TTC6: variants seen among roughly 807,000 people sequenced by gnomAD.
TTC6 encodes tetratricopeptide repeat protein 6.
In TTC6, 172 loss-of-function variants were observed where a neutral mutation model predicts 210.4. The ratio of observed to expected loss-of-function variants is 0.82; its 90% CI spans 0.72 to 0.93. The LOEUF (loss-of-function observed/expected upper bound fraction) is 0.93, where lower values mean the gene tolerates loss of function less well. Ranked by LOEUF, TTC6 falls within the 40% of genes least tolerant of loss-of-function variation. The pLI, the probability that TTC6 is intolerant of heterozygous loss-of-function variation, is 0.00. For synonymous variants in TTC6, 804 were observed against 819.6 expected, an observed-to-expected ratio of 0.98 and a Z score of 0.32; for missense variants, 2,414 against 2,318.1, an observed-to-expected ratio of 1.04 and a Z score of -0.85.
intron 9 of TTC6, among the ~76,000 whole-genome samples, chr14:37,738,371 C>T (rs1330561407): frequency 6.6e-6 from 1 of 151,584 alleles, no homozygotes; most frequent in African/African-American, 2.4e-5. Context: ...AAAGAAAACC[C>T]AAATTGATTT....
At chr14:37,722,820 T>G (rs958541880) in intron 6 of TTC6, among the ~76,000 whole-genome samples, 7 of 152,268 alleles carry the variant, frequency 4.6e-5, no homozygotes, top group African/African-American at 1.7e-4. Flanking sequence ...AGTCTGTCTT[T>G]TTTTCCCCTT....
chr14:37,701,289 C>T, intron 4 of TTC6, 43 bp from the exon 7 acceptor site: 1 of 1,308,670 alleles, frequency 7.6e-7, no homozygotes, highest in Non-Finnish European at 9.8e-7. Context: ...ATCTAAAGTC[C>T]ACAAAATGAT....
intron 24 of TTC6, among the ~76,000 whole-genome samples, chr14:37,812,034 C>A (rs7144074): frequency 0.026 from 3,917 of 152,234 alleles, 161 homozygotes; most frequent in African/African-American, 0.089. Context: ...AAGTCCCTCC[C>A]TTCCAGCCCG....
rs145340172 is a variant in TTC6 at position 37,615,872 on chromosome 14, A to G, written c.-154-6178A>G. On this transcript the variant is annotated intron_variant, in intron 2 of 2. Transcript: ENST00000556845. ...ATCTCAACACCTGAGTCATTTCTGGACTGGAATCTGTTTATTATGTTTACC... is the reference window on the plus strand; with the variant it reads ...ATCTCAACACCTGAGTCATTTCTGGGCTGGAATCTGTTTATTATGTTTACC... Among the ~76,000 whole-genome samples the G allele has an allele frequency of 6.6e-5, 10 of 152,280 alleles. No individual in the cohort carries two copies. The East Asian group carries it at 1.9e-3, about 29-fold the overall frequency.
At chr14:37,751,781 G>C (rs1230527759) in intron 13 of TTC6, among the ~76,000 whole-genome samples, 2 of 149,456 alleles carry the variant, frequency 1.3e-5, no homozygotes, top group Non-Finnish European at 3.0e-5. Flanking sequence ...TGGTGGGAGA[G>C]TAACTTATGT....
At chr14:37,732,657 C>G (rs566451820) in intron 7 of TTC6, among the ~76,000 whole-genome samples, 2 of 151,612 alleles carry the variant, frequency 1.3e-5, no homozygotes, top group African/African-American at 2.4e-5. Flanking sequence ...CTTGCTCTGT[C>G]GCCCAGGCTA....
At chr14:37,601,342 T>G (rs775825248) in intron 1 of TTC6, among the ~76,000 whole-genome samples, 4 of 152,212 alleles carry the variant, frequency 2.6e-5, no homozygotes, top group Non-Finnish European at 4.4e-5. Flanking sequence ...GGGCAGGCAC[T>G]GCTGTGTCTC....
In TTC6 at chr14:37,737,651, ATTT is replaced by A; in HGVS notation, c.1909-8_1909-6del. 5.4e-6 allele frequency: 8 copies of A among 1,488,056 alleles called. No homozygotes were observed. Among genetic ancestry groups the A allele is most frequent in the Non-Finnish European group, 6.3e-6 (7 of 1,110,662 alleles). 92.2% of individuals were successfully genotyped at this position (1,488,056 alleles called of 1,614,324 possible). ...ACTAATGTATATTTTTCATTTGATT[ATTT>A]CACAGTGTTTCTTACCAAGAAAATC... On this transcript the variant is annotated splice_polypyrimidine_tract_variant and splice_region_variant and intron_variant, in intron 8 of 30. Coordinates refer to ENST00000553443, the Ensembl canonical transcript of TTC6.
chr14:37,767,066 C>T (rs1018236927), intron 14 of TTC6, among the ~76,000 whole-genome samples: 2 of 152,044 alleles, frequency 1.3e-5, no homozygotes, highest in Non-Finnish European at 2.9e-5. Context: ...TTTTTGTTCT[C>T]ATGATAGTTT....
At chr14:37,618,377 C>A (rs982680722), upstream of TTC6, among the ~76,000 whole-genome samples, 1 of 152,234 alleles carries the variant, frequency 6.6e-6, no homozygotes, top group African/African-American at 2.4e-5. Flanking sequence ...AAGGCATAGA[C>A]AGATTTTAAG....
intron 28 of TTC6, among the ~76,000 whole-genome samples, chr14:37,826,715 T>C (rs1242062747): frequency 1.3e-5 from 2 of 152,092 alleles, no homozygotes; most frequent in Non-Finnish European, 1.5e-5. Context: ...TGTAGTGAAA[T>C]GACAAGTAAA....
At chr14:37,753,017 A>ATT (rs1162706049) in intron 13 of TTC6, 82 bp from the exon 16 acceptor site, 1 of 1,090,970 alleles carries the variant, frequency 9.2e-7, no homozygotes, top group Non-Finnish European at 1.2e-6. Context: ...AGTTAAAAAC[A>ATT]TAGTTTTAGA....
intron 29 of TTC6, among the ~76,000 whole-genome samples, chr14:37,838,798 A>G (rs77726896): frequency 0.036 from 5,407 of 151,994 alleles, 326 homozygotes; most frequent in African/African-American, 0.12. Flanking sequence ...CATCATTTAC[A>G]TATCCCTCCC....
chr14:37,690,071 TTAAAGTG>T (rs1395815867), intron 3 of TTC6, among the ~76,000 whole-genome samples: 1 of 151,960 alleles, frequency 6.6e-6, no homozygotes, highest in Non-Finnish European at 1.5e-5. Flanking sequence ...AAGAATAAAG[TTAAAGTG>T]TAGAGAATTT....
chr14:37,820,956 T>TCTTCTCCTCCTCCTTCTC (rs2096154810), intron 26 of TTC6, among the ~76,000 whole-genome samples: 3 of 145,032 alleles, frequency 2.1e-5, no homozygotes, highest in African/African-American at 7.6e-5. Context: ...TCCTCCTCCT[T>TCTTCTCCTCCTCCTTCTC]CTCCTCCTCC....
At chr14:37,649,426 C>T (rs1305633871) in intron 1 of TTC6, among the ~76,000 whole-genome samples, 3 of 152,150 alleles carry the variant, frequency 2.0e-5, no homozygotes, top group Non-Finnish European at 4.4e-5. Flanking sequence ...GACCCCACAA[C>T]ATTTATGTTT....
intron 3 of TTC6, among the ~76,000 whole-genome samples, chr14:37,686,680 C>T (rs1357925946): frequency 6.6e-6 from 1 of 152,044 alleles, no homozygotes; most frequent in Non-Finnish European, 1.5e-5. Flanking sequence ...CGGTGGCAGA[C>T]AAGAGAAGAG....
Position 37,701,325 on chromosome 14 carries a change from G to C in TTC6, c.1377-7G>C, listed in dbSNP as rs1046627003. On this transcript the variant is annotated splice_region_variant and splice_polypyrimidine_tract_variant and intron_variant, in intron 4 of 30. Transcript: ENST00000553443. Reference sequence around the variant, plus strand: ...GAAAGGAGCTCACTTTCTTTTCTCTGTTGCAGAATTCCACAAGACTACTCC... The same window carrying C: ...GAAAGGAGCTCACTTTCTTTTCTCTCTTGCAGAATTCCACAAGACTACTCC... 8 of 1,380,842 alleles carry C rather than the reference G, an allele frequency of 5.8e-6. No individual in the cohort carries two copies. In the East Asian group the frequency reaches 2.1e-4, roughly 37 times the overall value. The allele number at this position is 1,380,842 out of a possible 1,614,324, so 85.5% of individuals were successfully genotyped here.
intron 1 of TTC6, among the ~76,000 whole-genome samples, chr14:37,625,529 C>T (rs1595027450): frequency 7.6e-6 from 1 of 132,022 alleles, no homozygotes; most frequent in Non-Finnish European, 1.6e-5. Flanking sequence ...GCCTGGGGGA[C>T]AAGAGCGAGA....
Sources: gnomAD v4.1 joint callset for allele counts (sites outside exome capture counted in the v4.1 genomes callset) on GRCh38, gnomAD v4.1.1 for gene constraint, MANE v1.5 for transcripts, NCBI Gene and HGNC (gene_info 2026-07-23, HGNC 2026-07-21) for gene names.